ANKRD17: variants seen among roughly 807,000 people sequenced by gnomAD.
ANKRD17 encodes the protein ankyrin repeat domain-containing protein 17.
ANKRD17 carries 19 observed loss-of-function variants against 229.7 expected under a neutral mutation model. That is an observed-to-expected ratio of 0.08 (90% CI 0.06 to 0.12). The LOEUF is 0.12. Ranked by LOEUF, ANKRD17 falls within the 10% of genes least tolerant of loss-of-function variation. The pLI is 1.00. For missense variants in ANKRD17, 2,176 were observed against 3,176.8 expected (o/e 0.68, Z 7.57); for synonymous variants, 1,112 against 1,146.1 (o/e 0.97, Z 0.60).
chr4:73,111,377 A>C (rs1421416411), intron 24 of ANKRD17, among the ~76,000 whole-genome samples: 1 of 152,208 alleles, frequency 6.6e-6, no homozygotes, highest in Non-Finnish European at 1.5e-5. Context: ...AAGTGGATAC[A>C]CCAGACAAAA....
At chr4:73,079,368 T>C (rs1233213542) in intron 30 of ANKRD17, among the ~76,000 whole-genome samples, 1 of 152,168 alleles carries the variant, frequency 6.6e-6, no homozygotes, top group Admixed American at 6.5e-5. Context: ...TACGTTTCTT[T>C]GTTATTTATT....
chr4:73,080,253 T>C (rs1044223472), intron 30 of ANKRD17, among the ~76,000 whole-genome samples: 4 of 152,138 alleles, frequency 2.6e-5, no homozygotes, highest in Admixed American at 2.0e-4. Context: ...AAGCCTATTA[T>C]ATAAGATAAA....
intron 1 of ANKRD17, among the ~76,000 whole-genome samples, chr4:73,222,496 C>T (rs1741988858): frequency 1.3e-5 from 2 of 151,870 alleles, no homozygotes; most frequent in African/African-American, 2.4e-5. Flanking sequence ...CAGAGTATAC[C>T]AGCTAAATTA....
At chr4:73,180,979 T>C (rs1355916181) in intron 1 of ANKRD17, among the ~76,000 whole-genome samples, 2 of 152,162 alleles carry the variant, frequency 1.3e-5, no homozygotes, top group Non-Finnish European at 2.9e-5. Context: ...ATTAGAAATG[T>C]GTCTAACTCA....
Position 73,142,746 on chromosome 4 carries a change from G to A in ANKRD17, c.1979C>T (p.Thr660Ile), listed in dbSNP as rs1236079495. 8 of 1,613,126 alleles carry A rather than the reference G, an allele frequency of 5.0e-6. No individual in the cohort carries two copies. Among genetic ancestry groups the A allele is most frequent in the Non-Finnish European group, 6.8e-6 (8 of 1,179,686 alleles). The stretch of plus-strand genomic sequence containing the variant: ...CAGTACAGTATGGTCATTATTAGCT[G>A]TGGTTCTATTCACATTCGCTCCTAA... ...ISKGANVNRT[T>I]ANNDHTVLSL... is the part of the protein sequence containing the mutation. Residue 660 changes from threonine (T) to isoleucine (I), a missense_variant, in exon 12 of 34, where the codon ACA becomes ATA. This residue lies in a region of ANKRD17 where 275 missense variants were observed against 386.9 expected (regional missense o/e 0.71). Transcript: ENST00000358602.
At chr4:73,170,733 T>C (rs1474099515) in intron 2 of ANKRD17, among the ~76,000 whole-genome samples, 2 of 152,128 alleles carry the variant, frequency 1.3e-5, no homozygotes, top group Non-Finnish European at 2.9e-5. Flanking sequence ...GGCGGTAGCC[T>C]GGCAGTACTC....
At chr4:73,193,662 G>A (rs575563569) in intron 1 of ANKRD17, among the ~76,000 whole-genome samples, 2 of 152,240 alleles carry the variant, frequency 1.3e-5, no homozygotes, top group South Asian at 4.1e-4. Context: ...CTGGGTCCCT[G>A]AGGCTCACAT....
intron 1 of ANKRD17, among the ~76,000 whole-genome samples, chr4:73,178,462 T>G (rs1190319567): frequency 6.6e-6 from 1 of 152,158 alleles, no homozygotes; most frequent in African/African-American, 2.4e-5. Flanking sequence ...TCAAGAATAT[T>G]CTTAAACTAG....
chr4:73,141,993 C>A, intron 13 of ANKRD17, 150 bp from the exon 14 acceptor site: 1 of 854,448 alleles, frequency 1.2e-6, no homozygotes, highest in Non-Finnish European at 1.7e-6. Flanking sequence ...ATGTTGGCAC[C>A]AAATTGTTTA....
At chr4:73,170,099 G>A (rs1307335576) in intron 2 of ANKRD17, among the ~76,000 whole-genome samples, 1 of 152,080 alleles carries the variant, frequency 6.6e-6, no homozygotes, top group Non-Finnish European at 1.5e-5. Flanking sequence ...CACCACTTGG[G>A]TGGCTAAGGG....
chr4:73,252,399 C>T (rs1266934323), intron 1 of ANKRD17, among the ~76,000 whole-genome samples: 1 of 152,160 alleles, frequency 6.6e-6, no homozygotes, highest in African/African-American at 2.4e-5. Flanking sequence ...ACATCATCTG[C>T]TTAGTTAGAA....
At chr4:73,097,975 T>C (rs1723505470) in intron 26 of ANKRD17, 98 bp downstream of exon 26, 9 of 1,148,172 alleles carry the variant, frequency 7.8e-6, no homozygotes, top group Non-Finnish European at 8.6e-6. Flanking sequence ...AAAAATCCTA[T>C]TTTGCAAGTT....
At chr4:73,252,068 G>A (rs1479531289) in intron 1 of ANKRD17, among the ~76,000 whole-genome samples, 1 of 152,172 alleles carries the variant, frequency 6.6e-6, no homozygotes, top group Non-Finnish European at 1.5e-5. Flanking sequence ...AAGTCCCAAA[G>A]ATTTCCCACA....
intron 1 of ANKRD17, among the ~76,000 whole-genome samples, chr4:73,218,039 T>C (rs886857043): frequency 6.6e-6 from 1 of 152,214 alleles, no homozygotes; most frequent in African/African-American, 2.4e-5. Context: ...TGTGAATATA[T>C]GTATTGTAGG....
intron 6 of ANKRD17, among the ~76,000 whole-genome samples, 190 bp downstream of exon 6, chr4:73,153,686 ATATT>A (rs1211556617): frequency 1.3e-5 from 2 of 152,230 alleles, no homozygotes; most frequent in African/African-American, 2.4e-5. Context: ...TTCAGTGACA[ATATT>A]TATAGTTAAA....
intron 1 of ANKRD17, among the ~76,000 whole-genome samples, chr4:73,179,505 TATATATA>T (rs1560665779): frequency 6.1e-5 from 5 of 82,072 alleles, no homozygotes; most frequent in Non-Finnish European, 1.3e-4. Context: ...TATATATATA[TATATATA>T]TATATATTTT....
intron 25 of ANKRD17, 163 bp from the exon 26 acceptor site, chr4:73,098,683 T>TA: frequency 1.2e-6 from 1 of 839,890 alleles, no homozygotes; most frequent in Non-Finnish European, 1.9e-6. Flanking sequence ...AGGACTGATA[T>TA]ACTCTGTGTA....
chr4:73,216,285 A>C (rs997646099), intron 1 of ANKRD17, among the ~76,000 whole-genome samples: 1 of 152,134 alleles, frequency 6.6e-6, no homozygotes, highest in African/African-American at 2.4e-5. Flanking sequence ...AATGTTTTTA[A>C]ATTTTTCTTT....
chr4:73,233,457 T>C (rs1743243148), intron 1 of ANKRD17, among the ~76,000 whole-genome samples: 1 of 152,218 alleles, frequency 6.6e-6, no homozygotes, highest in African/African-American at 2.4e-5. Context: ...TAAATACTAG[T>C]CACTAAAGGA....
Sources: gnomAD v4.1 joint callset for allele counts (sites outside exome capture counted in the v4.1 genomes callset) on GRCh38, gnomAD v4.1.1 for gene constraint, gnomAD v4.1.1 regional missense constraint, MANE v1.5 for transcripts, NCBI Gene and HGNC (gene_info 2026-07-23, HGNC 2026-07-21) for gene names.